The following RNF111 variants were observed in gnomAD, a reference collection of about 807,000 sequenced individuals.
RNF111 encodes the protein ring finger protein 111.
In RNF111, 17 loss-of-function variants were observed where a neutral mutation model predicts 95.1. That is an observed-to-expected ratio of 0.18 (90% CI 0.12 to 0.27). The LOEUF (loss-of-function observed/expected upper bound fraction) is 0.27, where lower values mean the gene tolerates loss of function less well. Among genes scored for constraint, RNF111 ranks in the 10% least tolerant of loss-of-function variants. The pLI, the probability that RNF111 is intolerant of heterozygous loss-of-function variation, is 1.00. For synonymous variants in RNF111, 440 were observed against 414.8 expected, an observed-to-expected ratio of 1.06 and a Z score of -0.74; for missense variants, 1,189 against 1,210.4, an observed-to-expected ratio of 0.98 and a Z score of 0.26.
chr15:58,995,750 T>A (rs1306757566), intron 1 of RNF111, among the ~76,000 whole-genome samples: 13 of 149,050 alleles, frequency 8.7e-5, no homozygotes, highest in African/African-American at 3.2e-4. Flanking sequence ...AGGCATGAGA[T>A]GCCGTGCCCC....
chr15:59,087,274 T>C (rs1187249844), intron 10 of RNF111, among the ~76,000 whole-genome samples: 1 of 152,218 alleles, frequency 6.6e-6, no homozygotes, highest in Non-Finnish European at 1.5e-5. Flanking sequence ...CAATACTGTA[T>C]TTAAATGATA....
chr15:59,039,197 C>T (rs577517649), intron 2 of RNF111, among the ~76,000 whole-genome samples: 2 of 152,290 alleles, frequency 1.3e-5, no homozygotes, highest in South Asian at 2.1e-4. Flanking sequence ...CTCCTAACCT[C>T]AGGTCATCTG....
intron 3 of RNF111, among the ~76,000 whole-genome samples, chr15:59,052,828 C>CTT (rs1176216811): frequency 6.6e-6 from 1 of 151,954 alleles, no homozygotes; most frequent in African/African-American, 2.4e-5. Flanking sequence ...AGAGGTTAGT[C>CTT]TTTTTAAAAG....
rs180781974 is a variant in RNF111, at chr15:59,080,826, C to A, written c.1949-110C>A. The A allele has an allele frequency of 1.0e-3, 877 of 848,954 alleles. 8 individuals are homozygous for A. In the South Asian group the frequency reaches 0.015, roughly 15 times the overall value. 52.6% of individuals were successfully genotyped at this position (848,954 alleles called of 1,614,324 possible). A position where few individuals can be genotyped will look rare whatever the true frequency, so the allele number is the denominator to read the frequency against. ...TGAATACTTTACTTGATAAAGTATTCATAAAAATAAAATACTAATATGTTT... is the reference window on the plus strand; with the variant it reads ...TGAATACTTTACTTGATAAAGTATTAATAAAAATAAAATACTAATATGTTT... On this transcript the variant is annotated intron_variant, in intron 7 of 13. Transcript: ENST00000348370.
At chr15:59,082,507 A>G (rs1289359111) in intron 8 of RNF111, among the ~76,000 whole-genome samples, 4 of 152,176 alleles carry the variant, frequency 2.6e-5, no homozygotes, top group African/African-American at 9.6e-5. Flanking sequence ...TCTTTTGATT[A>G]TTCAGGATCT....
At position 59,050,838 on chromosome 15, in the gene RNF111, T is replaced by C. The variant is rs894250799; in HGVS notation, c.881-1467T>C. ...TAAACATACAATACGTTATTGCTAATCATAGACCCTATGTTGTGCAGTAAA... is the reference window on the plus strand; with the variant it reads ...TAAACATACAATACGTTATTGCTAACCATAGACCCTATGTTGTGCAGTAAA... On this transcript the variant is annotated intron_variant, in intron 2 of 13. Coordinates refer to ENST00000348370, the MANE Select transcript of RNF111 (RefSeq NM_017610.8). Among the ~76,000 whole-genome samples, 8 of 152,220 alleles carry C rather than the reference T, an allele frequency of 5.3e-5. No homozygotes were observed. In the East Asian group the frequency reaches 7.7e-4, roughly 15 times the overall value.
chr15:59,083,412 C>T (rs927885804), intron 8 of RNF111, among the ~76,000 whole-genome samples: 13 of 151,984 alleles, frequency 8.6e-5, no homozygotes, highest in Admixed American at 7.2e-4. Flanking sequence ...GTGGCATGCA[C>T]CTGTAGTCCC....
intron 6 of RNF111, among the ~76,000 whole-genome samples, chr15:59,070,357 G>A (rs796511698): frequency 6.6e-6 from 1 of 151,818 alleles, no homozygotes; most frequent in Non-Finnish European, 1.5e-5. Flanking sequence ...TTTACCCTCA[G>A]TTTCTTCTAG....
intron 2 of RNF111, among the ~76,000 whole-genome samples, chr15:59,047,870 C>T (rs1393657236): frequency 6.6e-6 from 1 of 152,180 alleles, no homozygotes; most frequent in East Asian, 1.9e-4. Flanking sequence ...CCACTGTATC[C>T]AGCCTACTTA....
chr15:59,014,544 A>G (rs1397060813), intron 1 of RNF111, among the ~76,000 whole-genome samples: 1 of 152,180 alleles, frequency 6.6e-6, no homozygotes, highest in African/African-American at 2.4e-5. Flanking sequence ...TTTCAAAAGC[A>G]TTTTTCTGTT....
rs1420324298 is a variant in RNF111 at position 59,030,977 on chromosome 15, G to A, written c.155G>A (p.Gly52Glu). Residue 52 changes from glycine to glutamate, a missense_variant, in exon 2 of 14, where the codon GGA becomes GAA. By Grantham distance (98) the Gly-to-Glu change is moderately conservative. Transcript: ENST00000348370. ...PIGAAKSFPAGVEMINSKVGN... is the reference protein window; with the variant it reads ...PIGAAKSFPAEVEMINSKVGN... The stretch of plus-strand genomic sequence containing the variant: ...GGGGCAGCCAAAAGTTTTCCTGCAG[G>A]AGTTGAGATGATTAATAGTAAAGTG... 6.2e-7 allele frequency: 1 copy of A among 1,614,082 alleles called. No homozygotes were observed. The highest frequency in any genetic ancestry group is 2.2e-5 in the East Asian group (1 of 44,894).
At position 59,036,034 on chromosome 15, in the gene RNF111, A is replaced by G. The variant is rs1341613410; in HGVS notation, c.880+4332A>G. 1.3e-5 allele frequency among the ~76,000 whole-genome samples: 2 copies of G among 152,192 alleles called. 1 individual carries two copies. Among genetic ancestry groups the G allele is most frequent in the Admixed American group, 1.3e-4 (2 of 15,282 alleles). ...GTATTAGTTCATTCTCATGTTGCTA[A>G]TAAAGACATACCCGAGACTGGGTAA... On this transcript the variant is annotated intron_variant, in intron 2 of 13. Coordinates refer to ENST00000348370, the MANE Select transcript of RNF111 (RefSeq NM_017610.8).
At chr15:59,048,030 A>C (rs1298520267) in intron 2 of RNF111, among the ~76,000 whole-genome samples, 1 of 152,232 alleles carries the variant, frequency 6.6e-6, no homozygotes, top group African/African-American at 2.4e-5. Flanking sequence ...TTGTAGAGCC[A>C]CTTAGGGAAA....
chr15:59,009,992 T>C (rs1290782641), intron 1 of RNF111, among the ~76,000 whole-genome samples: 3 of 152,112 alleles, frequency 2.0e-5, no homozygotes, highest in Non-Finnish European at 4.4e-5. Flanking sequence ...TTTTGCTAAA[T>C]TGTAAGTTAA....
rs750868157 is a variant in RNF111, at chr15:59,031,650, T to G, written c.828T>G (p.Asp276Glu). The change falls in exon 2 of 14, where the codon GAT becomes GAG. Residue 276 changes from aspartate to glutamate, a missense_variant. Physicochemically the swap from Asp to Glu is conservative, Grantham distance 45 (BLOSUM62 2). Around this residue, in one of 2 missense-constraint regions of RNF111, gnomAD observed 1,024 missense variants for 925.9 expected, o/e 1.11. Coordinates refer to ENST00000348370, the MANE Select transcript of RNF111 (RefSeq NM_017610.8). ...SSSSSTEGEE[D>E]LFVSASENHQ... ...GCTCATCAACTGAAGGAGAAGAAGA[T>G]TTGTTTGTTTCTGCCAGTGAAAACC... The G allele has an allele frequency of 1.2e-5, 19 of 1,614,008 alleles. No individual in the cohort carries two copies. Among genetic ancestry groups the G allele is most frequent in the Non-Finnish European group, 1.4e-5 (17 of 1,180,008 alleles).
chr15:59,083,806 TTTAA>T (rs1479861275), intron 8 of RNF111: 1 of 158,782 alleles, frequency 6.3e-6, no homozygotes, highest in Non-Finnish European at 1.4e-5. Flanking sequence ...TTTATTTTTA[TTTAA>T]TTCCTATTAT....
In RNF111 at chr15:59,052,220, G is replaced by A. The variant is rs1280981259; in HGVS notation, c.881-85G>A. 3.4e-5 allele frequency: 40 copies of A among 1,183,640 alleles called. No homozygotes were observed. Among genetic ancestry groups the A allele is most frequent in the Non-Finnish European group, 4.4e-5 (39 of 879,732 alleles). 73.3% of individuals were successfully genotyped at this position (1,183,640 alleles called of 1,614,324 possible). On this transcript the variant is annotated intron_variant, in intron 2 of 13. Transcript: ENST00000348370. ...TTTTTATTTTTGCAATGAATTTCAT[G>A]GTCTTCAAAGTCAAAATAAAAATTT...
intron 7 of RNF111, among the ~76,000 whole-genome samples, chr15:59,079,928 C>T (rs1287046692): frequency 1.3e-5 from 2 of 151,804 alleles, no homozygotes; most frequent in Admixed American, 6.6e-5. Context: ...GACAGAGCTT[C>T]CATATATGCA....
At chr15:59,082,633 G>T (rs1179488242) in intron 8 of RNF111, among the ~76,000 whole-genome samples, 18 of 152,294 alleles carry the variant, frequency 1.2e-4, no homozygotes, top group African/African-American at 4.1e-4. Flanking sequence ...CTGAAAAAGT[G>T]TCTGTTGTTT....
Sources: allele counts gnomAD v4.1 joint callset (sites outside exome capture counted in the v4.1 genomes callset), GRCh38; gene constraint gnomAD v4.1.1; regional missense constraint gnomAD v4.1.1; transcripts MANE v1.5; gene names NCBI Gene and HGNC (gene_info 2026-07-23, HGNC 2026-07-21).